The following DTNB variants were observed in gnomAD, a reference collection of about 807,000 sequenced individuals.
DTNB encodes the protein dystrobrevin beta, also known as DTN-B.
Under a neutral mutation model 90.7 loss-of-function variants are expected in DTNB, and 63 were observed. That is an observed-to-expected ratio of 0.69 (90% CI 0.57 to 0.86). DTNB has a LOEUF of 0.86. Among genes scored for constraint, DTNB ranks in the 40% least tolerant of loss-of-function variants. The probability of loss-of-function intolerance (pLI) is 0.00; values close to 1 mark genes in which losing one functional copy is unlikely to be tolerated. For synonymous variants in DTNB, 277 were observed against 286.7 expected, an observed-to-expected ratio of 0.97 and a Z score of 0.34; for missense variants, 744 against 807.1, an observed-to-expected ratio of 0.92 and a Z score of 0.95.
chr2:25,457,155 G>A (rs1351685054), intron 10 of DTNB, among the ~76,000 whole-genome samples: 4 of 151,938 alleles, frequency 2.6e-5, no homozygotes, highest in Non-Finnish European at 2.9e-5. Flanking sequence ...GATTATAGGC[G>A]TGCGCCACCA....
chr2:25,514,552 T>C (rs2074637987), intron 9 of DTNB, among the ~76,000 whole-genome samples: 1 of 149,900 alleles, frequency 6.7e-6, no homozygotes, highest in Non-Finnish European at 1.5e-5. Context: ...AAATATATTG[T>C]AGTGCTAAAC....
intron 15 of DTNB, among the ~76,000 whole-genome samples, chr2:25,422,830 ATTAAT>A: frequency 6.6e-6 from 1 of 152,342 alleles, no homozygotes; most frequent in South Asian, 2.1e-4. Context: ...ATTAATACTC[ATTAAT>A]CAGGTAAAAA....
At chr2:25,582,873 C>G (rs1387992913) in intron 6 of DTNB, among the ~76,000 whole-genome samples, 2 of 152,124 alleles carry the variant, frequency 1.3e-5, no homozygotes, top group African/African-American at 4.8e-5. Context: ...ATAAAGCCAC[C>G]TAATATTTGA....
chr2:25,397,728 A>C (rs184945821), intron 16 of DTNB, among the ~76,000 whole-genome samples: 85 of 152,246 alleles, frequency 5.6e-4, no homozygotes, highest in African/African-American at 1.8e-3. Flanking sequence ...AAACATACAA[A>C]AATTAGCTGG....
intron 8 of DTNB, among the ~76,000 whole-genome samples, chr2:25,538,297 C>A (rs2080309203): frequency 6.6e-6 from 1 of 152,036 alleles, no homozygotes; most frequent in African/African-American, 2.4e-5. Flanking sequence ...CCTAGCCACT[C>A]AGGAGGCTGA....
intron 1 of DTNB, among the ~76,000 whole-genome samples, chr2:25,653,515 C>CTTTCT (rs1394229542): frequency 5.6e-4 from 35 of 62,232 alleles, no homozygotes; most frequent in East Asian, 3.1e-3. Flanking sequence ...TTCTTTCTTT[C>CTTTCT]TTTTTTTTTT....
Position 25,464,255 on chromosome 2 carries a change from C to T in DTNB, c.1080-8761G>A, listed in dbSNP as rs771481053. 2.0e-5 allele frequency among the ~76,000 whole-genome samples: 3 copies of T among 152,092 alleles called. No homozygotes were observed. In the South Asian group the frequency reaches 6.2e-4, roughly 32 times the overall value. On this transcript the variant is annotated intron_variant, in intron 10 of 20. Transcript: ENST00000406818. ...CCATTCTCTAATAAAGGAGCCAGGG[C>T]TCCCTAGGAAAATGCAATTCTAGGG...
chr2:25,455,474 A>G lies in DTNB; in HGVS notation c.1100T>C (p.Ile367Thr). ...PTKRLQYSQDIPSHLADEHAL... is the reference protein window; with the variant it reads ...PTKRLQYSQDTPSHLADEHAL... ...ATGCTCATCGGCCAAGTGACTGGGT[A>G]TATCCTGGCTATACTGTAACCTAGG... The change falls in exon 11 of 21, where the codon ATA (isoleucine) becomes ACA (threonine). Residue 367 changes from isoleucine to threonine, a missense_variant. Transcript: ENST00000406818. 1 of 1,606,976 alleles carries G rather than the reference A, an allele frequency of 6.2e-7. No individual in the cohort carries two copies. Among genetic ancestry groups the G allele is most frequent in the Non-Finnish European group, 8.5e-7 (1 of 1,176,858 alleles).
chr2:25,401,443 C>G (rs1044094101), intron 16 of DTNB, among the ~76,000 whole-genome samples: 5 of 152,228 alleles, frequency 3.3e-5, no homozygotes, highest in African/African-American at 9.6e-5. Context: ...AGCACAGAGG[C>G]AGGGACGCAC....
At chr2:25,570,372 C>T (rs1352011982) in intron 8 of DTNB, among the ~76,000 whole-genome samples, 1 of 131,880 alleles carries the variant, frequency 7.6e-6, no homozygotes, top group Non-Finnish European at 1.5e-5. Flanking sequence ...CACGCCACTG[C>T]ACTCCAGATG....
intron 8 of DTNB, among the ~76,000 whole-genome samples, chr2:25,543,344 C>T (rs572846445): frequency 2.7e-5 from 4 of 150,438 alleles, no homozygotes; most frequent in Non-Finnish European, 5.9e-5. Flanking sequence ...CTTGCTCTGT[C>T]GCCCAGGCTG....
Position 25,405,858 on chromosome 2 carries a change from C to A in DTNB, c.1575+13657G>T, listed in dbSNP as rs560242366. 6.4e-4 allele frequency among the ~76,000 whole-genome samples: 97 copies of A among 152,084 alleles called. No homozygotes were observed. In the South Asian group the frequency reaches 6.4e-3, roughly 10 times the overall value. ...CTGTGCTCAGGAATCAAGCTCTGGG[C>A]AATGGCACAGAGGGACTGAGAAACG... On this transcript the variant is annotated intron_variant, in intron 16 of 20. Coordinates refer to ENST00000406818, the MANE Select transcript of DTNB (RefSeq NM_021907.5).
chr2:25,381,308 G>C (rs1020552147), intron 19 of DTNB, among the ~76,000 whole-genome samples: 1 of 152,150 alleles, frequency 6.6e-6, no homozygotes, highest in African/African-American at 2.4e-5. Context: ...TGTCTGTGTG[G>C]GTAAGTCAAT....
At chr2:25,634,444 C>T (rs2076667052) in intron 3 of DTNB, among the ~76,000 whole-genome samples, 1 of 150,002 alleles carries the variant, frequency 6.7e-6, no homozygotes, top group Non-Finnish European at 1.5e-5. Context: ...GGGGGGTCAG[C>T]CCCCCGCCCG....
intron 16 of DTNB, among the ~76,000 whole-genome samples, chr2:25,416,800 GGAAC>G (rs537842537): frequency 0.047 from 6,115 of 128,774 alleles, 218 homozygotes; most frequent in Non-Finnish European, 0.066. Flanking sequence ...AAGGAAGGAA[GGAAC>G]GAAGGAAGGA....
At chr2:25,653,431 T>TA (rs1483891735) in intron 1 of DTNB, among the ~76,000 whole-genome samples, 116 of 147,242 alleles carry the variant, frequency 7.9e-4, no homozygotes, top group South Asian at 7.1e-3. Context: ...CGTTTTTTTT[T>TA]TAAAAAAAAA....
chr2:25,479,363 C>T (rs944975163), intron 10 of DTNB, among the ~76,000 whole-genome samples: 1 of 152,094 alleles, frequency 6.6e-6, no homozygotes, highest in Non-Finnish European at 1.5e-5. Context: ...GGTCTAGACG[C>T]GGGCCTCCTA....
At chr2:25,471,781 C>A (rs1371093382) in intron 10 of DTNB, among the ~76,000 whole-genome samples, 4 of 150,096 alleles carry the variant, frequency 2.7e-5, no homozygotes, top group Non-Finnish European at 5.9e-5. Flanking sequence ...TCCCTCCCCA[C>A]CCCCCCATTT....
intron 4 of DTNB, among the ~76,000 whole-genome samples, chr2:25,624,511 C>G (rs1184175063): frequency 1.3e-5 from 2 of 152,168 alleles, no homozygotes; most frequent in Non-Finnish European, 2.9e-5. Flanking sequence ...AGAAATAAAG[C>G]CAGAGCTCTG....
Sources: allele counts gnomAD v4.1 joint callset (sites outside exome capture counted in the v4.1 genomes callset), GRCh38; gene constraint gnomAD v4.1.1; transcripts MANE v1.5; gene names NCBI Gene and HGNC (gene_info 2026-07-23, HGNC 2026-07-21).